NIBAN1: variants seen among roughly 807,000 people sequenced by gnomAD.
NIBAN1 encodes protein Niban 1.
In NIBAN1, 81 loss-of-function variants were observed where a neutral mutation model predicts 75.1. The ratio of observed to expected loss-of-function variants is 1.08; its 90% CI spans 0.90 to 1.30. The LOEUF (loss-of-function observed/expected upper bound fraction) is 1.30. Among genes scored for constraint, NIBAN1 ranks in the 50% most tolerant of loss-of-function variants. NIBAN1 has a pLI of 0.00. For synonymous variants in NIBAN1, 436 were observed against 424.8 expected (o/e 1.03, Z -0.32); for missense variants, 1,133 against 1,128.1 (o/e 1.00, Z -0.06).
intron 4 of NIBAN1, among the ~76,000 whole-genome samples, chr1:184,889,691 A>T (rs1021443346): frequency 6.6e-6 from 1 of 152,198 alleles, no homozygotes; most frequent in Non-Finnish European, 1.5e-5. Context: ...CCTGGCTGAC[A>T]GCACATTTTC....
At chr1:184,959,212 T>A (rs184707438) in intron 1 of NIBAN1, among the ~76,000 whole-genome samples, 205 of 152,244 alleles carry the variant, frequency 1.3e-3, no homozygotes, top group African/African-American at 4.5e-3. Context: ...CCAGTGTACA[T>A]TCAGTTCTCT....
At chr1:184,829,333 C>T (rs540478199) in intron 6 of NIBAN1, among the ~76,000 whole-genome samples, 70 of 152,186 alleles carry the variant, frequency 4.6e-4, no homozygotes, top group African/African-American at 1.5e-3. Context: ...ATGTGTGTCT[C>T]GCCTCACCAT....
intron 1 of NIBAN1, among the ~76,000 whole-genome samples, chr1:184,942,693 CAAAAAAAAAAA>C (rs1235041623): frequency 1.3e-5 from 1 of 78,384 alleles, no homozygotes; most frequent in Admixed American, 1.4e-4. Context: ...GACTCCGTCT[CAAAAAAAAAAA>C]AAAAAAAAAA....
At chr1:184,941,590 C>T (rs573222121) in intron 1 of NIBAN1, among the ~76,000 whole-genome samples, 46 of 147,402 alleles carry the variant, frequency 3.1e-4, no homozygotes, top group Non-Finnish European at 4.0e-4. Context: ...ATCAAGGCTG[C>T]AGTTAGCTAA....
intron 1 of NIBAN1, among the ~76,000 whole-genome samples, chr1:184,964,016 C>T (rs1241808326): frequency 6.6e-6 from 1 of 150,776 alleles, no homozygotes; most frequent in African/African-American, 2.4e-5. Context: ...CGGTGTTATA[C>T]CAGCACAGAG....
chr1:184,862,833 T>C (rs1478067053), intron 5 of NIBAN1, among the ~76,000 whole-genome samples: 1 of 99,382 alleles, frequency 1.0e-5, no homozygotes, highest in Non-Finnish European at 2.0e-5. Flanking sequence ...GTTTTTCTTT[T>C]CTTTTTTTTT....
chr1:184,893,407 T>C (rs1194856324), intron 3 of NIBAN1, among the ~76,000 whole-genome samples: 1 of 152,052 alleles, frequency 6.6e-6, no homozygotes, highest in Admixed American at 6.6e-5. Flanking sequence ...TGGGAACCAA[T>C]AAAAACTAAA....
chr1:184,930,730 C>T (rs1657796548), intron 1 of NIBAN1, among the ~76,000 whole-genome samples: 1 of 152,176 alleles, frequency 6.6e-6, no homozygotes, highest in African/African-American at 2.4e-5. Context: ...CAACCACCAA[C>T]TTGGAAAACA....
chr1:184,952,228 C>T (rs1658374860), intron 1 of NIBAN1, among the ~76,000 whole-genome samples: 1 of 152,080 alleles, frequency 6.6e-6, no homozygotes, highest in Admixed American at 6.5e-5. Flanking sequence ...AGCAAGACCT[C>T]ATCTCTACAA....
chr1:184,861,990 T>C (rs1026489079), intron 5 of NIBAN1, among the ~76,000 whole-genome samples: 28 of 152,132 alleles, frequency 1.8e-4, no homozygotes, highest in Admixed American at 1.8e-3. Flanking sequence ...GAAAAACAAA[T>C]TTTCTATCCT....
chr1:184,960,623 A>AAATGTTGTTGT (rs1553231653), intron 1 of NIBAN1, among the ~76,000 whole-genome samples: 3 of 150,224 alleles, frequency 2.0e-5, no homozygotes, highest in Non-Finnish European at 4.4e-5. Context: ...CAACAACAAA[A>AAATGTTGTTGT]TGTTGTTGTT....
At chr1:184,921,593 C>T (rs147922304) in intron 1 of NIBAN1, among the ~76,000 whole-genome samples, 1 of 152,224 alleles carries the variant, frequency 6.6e-6, no homozygotes, top group African/African-American at 2.4e-5. Context: ...TCCAAAGAAA[C>T]AGTACAAAGT....
intron 1 of NIBAN1, among the ~76,000 whole-genome samples, chr1:184,913,118 T>C (rs1437075845): frequency 1.9e-5 from 2 of 106,078 alleles, no homozygotes; most frequent in Non-Finnish European, 3.8e-5. Context: ...GTTTTATATA[T>C]GCCTTGCATA....
At chr1:184,898,390 G>A (rs1427799669) in intron 2 of NIBAN1, among the ~76,000 whole-genome samples, 2 of 152,128 alleles carry the variant, frequency 1.3e-5, no homozygotes, top group Non-Finnish European at 2.9e-5. Context: ...CGAGGCAGGT[G>A]GATCACTTGA....
intron 10 of NIBAN1, among the ~76,000 whole-genome samples, chr1:184,807,512 G>A (rs1654238153): frequency 6.6e-6 from 1 of 152,178 alleles, no homozygotes; most frequent in Admixed American, 6.5e-5. Flanking sequence ...TATAGGCTGG[G>A]TGTGGTGGCT....
intron 9 of NIBAN1, 56 bp downstream of exon 9, chr1:184,818,582 T>C (rs1172503129): frequency 3.4e-6 from 5 of 1,460,774 alleles, no homozygotes; most frequent in Non-Finnish European, 4.6e-6. Flanking sequence ...TAAAGCCCCA[T>C]GGAAAACACA....
chr1:184,953,155 T>G (rs1658401009), intron 1 of NIBAN1, among the ~76,000 whole-genome samples: 1 of 152,222 alleles, frequency 6.6e-6, no homozygotes. Flanking sequence ...CGAGGATTAG[T>G]GCAATGAGTC....
At chr1:184,805,855 CA>C in intron 11 of NIBAN1, 90 bp downstream of exon 11, 1 of 979,750 alleles carries the variant, frequency 1.0e-6, no homozygotes, top group Non-Finnish European at 1.6e-6. Flanking sequence ...AGATTAGAGC[CA>C]AGGAGAGAAC....
intron 1 of NIBAN1, among the ~76,000 whole-genome samples, chr1:184,927,381 T>C (rs190445266): frequency 6.6e-6 from 1 of 152,358 alleles, no homozygotes; most frequent in African/African-American, 2.4e-5. Flanking sequence ...CTGCATTAGG[T>C]AATGCTGTGG....
Sources: allele counts gnomAD v4.1 joint callset (sites outside exome capture counted in the v4.1 genomes callset), GRCh38; gene constraint gnomAD v4.1.1; transcripts MANE v1.5; gene names NCBI Gene and HGNC (gene_info 2026-07-23, HGNC 2026-07-21).